The following SOX7 variants were observed in gnomAD, a reference collection of about 807,000 sequenced individuals.
SOX7 encodes the protein SRY-box transcription factor 7.
A neutral mutation model predicts 24.9 loss-of-function variants in SOX7; 19 were observed. That is an observed-to-expected ratio of 0.76 (90% CI 0.53 to 1.12). SOX7 has a LOEUF of 1.12. SOX7 is among the 50% of genes most tolerant of loss of function. The probability of loss-of-function intolerance (pLI) is 0.00; values close to 1 mark genes in which losing one functional copy is unlikely to be tolerated. For synonymous variants in SOX7, 327 were observed against 244.5 expected, an observed-to-expected ratio of 1.34 and a Z score of -3.15; for missense variants, 702 against 535.0, an observed-to-expected ratio of 1.31 and a Z score of -3.08.
chr8:10,726,693 T>C (rs375218316), intron 1 of SOX7, 27 bp from the exon 2 acceptor site: 1 of 1,538,998 alleles, frequency 6.5e-7, no homozygotes, highest in Non-Finnish European at 8.7e-7. Flanking sequence ...GAGGAGGCCA[T>C]GCTCAGTGCT....
chr8:10,727,469 C>T (rs6986101), intron 1 of SOX7, among the ~76,000 whole-genome samples: 1 of 152,198 alleles, frequency 6.6e-6, no homozygotes, highest in East Asian at 1.9e-4. Flanking sequence ...TTTCCAGAGT[C>T]TCTATTTTCT....
Position 10,726,437 on chromosome 8 carries a change from C to T in SOX7, c.468G>A (p.Leu156=), listed in dbSNP as rs753070298. The T allele has an allele frequency of 2.5e-6, 4 of 1,612,082 alleles. No homozygotes were observed. The highest frequency in any genetic ancestry group is 3.3e-5 in the Admixed American group (2 of 59,960). ...PEKRSGSRGA[L]GEKEDRGEYS... ...ACTCACCCCTGTCCTCCTTCTCCCC[C>T]AGCGCCCCCCGGCTGCCGCTTCTCT... is the stretch of plus-strand genomic sequence containing the variant. The change falls in exon 2 of 2, where the codon CTG becomes CTA. Residue 156 remains leucine, a synonymous_variant. Coordinates refer to ENST00000304501, the MANE Select transcript of SOX7 (RefSeq NM_031439.4).
In SOX7 at chr8:10,726,506, G is replaced by T; in HGVS notation, c.399C>A (p.Phe133Leu). 3.1e-6 allele frequency: 5 copies of T among 1,612,560 alleles called. No homozygotes were observed. Among genetic ancestry groups the T allele is most frequent in the Non-Finnish European group, 3.4e-6 (4 of 1,179,958 alleles). The change falls in exon 2 of 2, where the codon TTC becomes TTA. Residue 133 changes from phenylalanine (F) to leucine (L), a missense_variant. Coordinates refer to ENST00000304501, the MANE Select transcript of SOX7 (RefSeq NM_031439.4). ...KRLCKRVDPG[F>L]LLSSLSRDQN... is the part of the protein sequence containing the mutation. ...GGTCCCGGGAGAGGGAGCTCAGAAG[G>T]AAGCCCGGGTCCACGCGCTTGCACA...
At chr8:10,729,184 A>C (rs533857031) in intron 1 of SOX7, 2 of 152,306 alleles carry the variant, frequency 1.3e-5, no homozygotes, top group African/African-American at 4.8e-5. Flanking sequence ...TCCTATCCCC[A>C]AAGTTCCGCC....
rs780647193 is a variant in SOX7, at chr8:10,725,710, G to C, written c.*28C>G. The C allele has an allele frequency of 1.9e-6, 3 of 1,613,282 alleles. No individual in the cohort carries two copies. In the East Asian group the frequency reaches 6.7e-5, roughly 36 times the overall value. On this transcript the variant is annotated 3_prime_UTR_variant, in exon 2 of 2. Transcript: ENST00000304501. ...AAGGCACAAGAAGGAGAGGGCGCGA[G>C]GGCTGACCGGACGGGGCGCCTCCAG...
rs1586081386 is a variant in SOX7 at position 10,726,400 on chromosome 8, T to G, written c.505A>C (p.Thr169Pro). 1 of 1,612,068 alleles carries G rather than the reference T, an allele frequency of 6.2e-7. No individual in the cohort carries two copies. The highest frequency in any genetic ancestry group is 8.5e-7 in the Non-Finnish European group (1 of 1,179,282). The change falls in exon 2 of 2, where the codon ACT becomes CCT. Residue 169 changes from threonine to proline, a missense_variant. Transcript: ENST00000304501. ...KEDRGEYSPG[T>P]ALPSLRGCYH... ...CAGCCCCGGAGGCTGGGCAGGGCAGTGCCGGGGGAGTACTCACCCCTGTCC... is the reference window on the plus strand; with the variant it reads ...CAGCCCCGGAGGCTGGGCAGGGCAGGGCCGGGGGAGTACTCACCCCTGTCC...
rs74568834 is a variant in SOX7, at chr8:10,726,557, C to T, written c.348G>A (p.Pro116=). 7.5e-3 allele frequency: 12,078 copies of T among 1,612,114 alleles called. 641 individuals carry two copies. In the East Asian group the frequency reaches 0.13, roughly 18 times the overall value. Reference sequence around the variant, plus strand: ...GCCGCTTGGCCTGCTTCTTCCTGCGCGGCCGGTACTTGTAGTTGGGGTAGT... The same window carrying T: ...GCCGCTTGGCCTGCTTCTTCCTGCGTGGCCGGTACTTGTAGTTGGGGTAGT... The part of the protein sequence containing the change: ...MQDYPNYKYR[P]RRKKQAKRLC... The change falls in exon 2 of 2, where the codon CCG becomes CCA. Residue 116 remains proline (P), a synonymous_variant. Transcript: ENST00000304501.
chr8:10,726,622 C>A lies in SOX7; in HGVS notation c.283G>T (p.Val95Leu), dbSNP rs769083723. Residue 95 changes from valine to leucine, a missense_variant, in exon 2 of 2, where the codon GTG (valine) becomes TTG (leucine). Physicochemically the swap from Val to Leu is conservative, Grantham distance 32. Coordinates refer to ENST00000304501, the MANE Select transcript of SOX7 (RefSeq NM_031439.4). ...AGGCGCAGCCGCTCCGCCTCGTCCA[C>A]GTACGGCCTCTTCTGGGACAGCGTC... is the stretch of plus-strand genomic sequence containing the variant. ...ALTLSQKRPYVDEAERLRLQH... is the reference protein window; with the variant it reads ...ALTLSQKRPYLDEAERLRLQH... The A allele has an allele frequency of 6.2e-7, 1 of 1,601,918 alleles. No individual in the cohort carries two copies. The highest frequency in any genetic ancestry group is 1.1e-5 in the South Asian group (1 of 90,410).
In SOX7 at chr8:10,725,886, C is replaced by A; in HGVS notation, c.1019G>T (p.Gly340Val). ...GGCCCCTGTGGCGGAGTCTGGGTGG[C>A]CAGGAGTGTTCAAATACTGGTCGAA... is the stretch of plus-strand genomic sequence containing the variant. ...NEFDQYLNTPGHPDSATGAMA... is the reference protein window; with the variant it reads ...NEFDQYLNTPVHPDSATGAMA... The change falls in exon 2 of 2, where the codon GGC becomes GTC. Residue 340 changes from glycine to valine, a missense_variant. By Grantham distance (109) the Gly-to-Val change is moderately radical. Coordinates refer to ENST00000304501, the MANE Select transcript of SOX7 (RefSeq NM_031439.4). 1 of 1,614,162 alleles carries A rather than the reference C, an allele frequency of 6.2e-7. No individual in the cohort carries two copies. The highest frequency in any genetic ancestry group is 2.2e-5 in the East Asian group (1 of 44,868).
rs1800130794 is a variant in SOX7, at chr8:10,725,674, C to T, written c.*64G>A. On this transcript the variant is annotated 3_prime_UTR_variant, in exon 2 of 2. Transcript: ENST00000304501. ...GAAAGCTGGTGTGGCTGGACGGCTC[C>T]TCTGCCACTCAAGGCACAAGAAGGA... 6.4e-7 allele frequency: 1 copy of T among 1,571,140 alleles called. No homozygotes were observed. Among genetic ancestry groups the T allele is most frequent in the Non-Finnish European group, 8.7e-7 (1 of 1,146,998 alleles).
Position 10,730,145 on chromosome 8 carries a change from GCCCGCC to G in SOX7, c.238+45_238+50del. 3.8e-6 allele frequency: 5 copies of G among 1,305,926 alleles called. No homozygotes were observed. Among genetic ancestry groups the G allele is most frequent in the Non-Finnish European group, 5.0e-6 (5 of 1,010,030 alleles). The allele number at this position is 1,305,926 out of a possible 1,614,324, so 80.9% of individuals were successfully genotyped here. On this transcript the variant is annotated intron_variant, in intron 1 of 1. Transcript: ENST00000304501. The surrounding 1 kb of genome is among the most constrained non-coding windows in gnomAD (Gnocchi z 4.8). The stretch of plus-strand genomic sequence containing the variant: ...CACCCGCCCTGCAGTGCCGCCAGCC[GCCCGCC>G]GCCCGCCCCCGGCCCCCAGCCCGCT...
At chr8:10,728,448 T>C (rs2129063349) in intron 1 of SOX7, among the ~76,000 whole-genome samples, 1 of 152,318 alleles carries the variant, frequency 6.6e-6, no homozygotes, top group South Asian at 2.1e-4. Context: ...GAGGGGATCA[T>C]CCTGCTGCCC....
Position 10,730,094 on chromosome 8 carries a change from C to G in SOX7, c.238+102G>C. Reference sequence around the variant, plus strand: ...CGAAGAGGGCCCTCGTCCCGCGTGCCGGGTCTTCCCCAGGCTCCGCGCTCG... The same window carrying G: ...CGAAGAGGGCCCTCGTCCCGCGTGCGGGGTCTTCCCCAGGCTCCGCGCTCG... On this transcript the variant is annotated intron_variant, in intron 1 of 1. Transcript: ENST00000304501. The surrounding 1 kb of genome is among the most constrained non-coding windows in gnomAD (Gnocchi z 4.8). The G allele has an allele frequency of 1.2e-6, 1 of 846,560 alleles. No individual in the cohort carries two copies. The allele number at this position is 846,560 out of a possible 1,614,324, so 52.4% of individuals were successfully genotyped here. A position where few individuals can be genotyped will look rare whatever the true frequency, so the allele number is the denominator to read the frequency against.
intron 1 of SOX7, among the ~76,000 whole-genome samples, chr8:10,726,996 G>C (rs1800168930): frequency 1.3e-5 from 2 of 152,170 alleles, no homozygotes; most frequent in African/African-American, 2.4e-5. Flanking sequence ...TGTCAGCTAC[G>C]GGAAGAAAAT....
Position 10,725,562 on chromosome 8 carries a change from A to G in SOX7, c.*176T>C. 1.6e-6 allele frequency: 1 copy of G among 631,148 alleles called. No individual in the cohort carries two copies. 39.1% of individuals were successfully genotyped at this position (631,148 alleles called of 1,614,324 possible). A position where few individuals can be genotyped will look rare whatever the true frequency, so the allele number is the denominator to read the frequency against. On this transcript the variant is annotated 3_prime_UTR_variant, in exon 2 of 2. Coordinates refer to ENST00000304501, the MANE Select transcript of SOX7 (RefSeq NM_031439.4). ...GGGGCTGGAACGTGGGGAAGGGGAT[A>G]GAGGCGGCACTCGGATAAGGAGAGT...
In SOX7 at chr8:10,725,702, G is replaced by A; in HGVS notation, c.*36C>T. Reference sequence around the variant, plus strand: ...TGCCACTCAAGGCACAAGAAGGAGAGGGCGCGAGGGCTGACCGGACGGGGC... The same window carrying A: ...TGCCACTCAAGGCACAAGAAGGAGAAGGCGCGAGGGCTGACCGGACGGGGC... On this transcript the variant is annotated 3_prime_UTR_variant, in exon 2 of 2. Transcript: ENST00000304501. The A allele has an allele frequency of 1.2e-6, 2 of 1,610,198 alleles. No homozygotes were observed. The highest frequency in any genetic ancestry group is 1.7e-4 in the Middle Eastern group (1 of 6,006).
Position 10,725,713 on chromosome 8 carries a change from C to A in SOX7, c.*25G>T. Reference sequence around the variant, plus strand: ...GCACAAGAAGGAGAGGGCGCGAGGGCTGACCGGACGGGGCGCCTCCAGCTC... The same window carrying A: ...GCACAAGAAGGAGAGGGCGCGAGGGATGACCGGACGGGGCGCCTCCAGCTC... On this transcript the variant is annotated 3_prime_UTR_variant, in exon 2 of 2. Transcript: ENST00000304501. 6.2e-7 allele frequency: 1 copy of A among 1,613,490 alleles called. No individual in the cohort carries two copies. Among genetic ancestry groups the A allele is most frequent in the Non-Finnish European group, 8.5e-7 (1 of 1,179,762 alleles).
rs1465366977 is a variant in SOX7 at position 10,730,116 on chromosome 8, C to T, written c.238+80G>A. 2.7e-6 allele frequency: 3 copies of T among 1,106,410 alleles called. No homozygotes were observed. Among genetic ancestry groups the T allele is most frequent in the African/African-American group, 3.3e-5 (2 of 60,570 alleles). 68.5% of individuals were successfully genotyped at this position (1,106,410 alleles called of 1,614,324 possible). On this transcript the variant is annotated intron_variant, in intron 1 of 1. Transcript: ENST00000304501. The surrounding 1 kb of genome is among the most constrained non-coding windows in gnomAD (Gnocchi z 4.8). ...TGCCGGGTCTTCCCCAGGCTCCGCG[C>T]TCGCACCCGCCCTGCAGTGCCGCCA...
At position 10,724,219 on chromosome 8, in the gene SOX7, G is replaced by C. The variant is rs1800098686; in HGVS notation, c.*1519C>G. On this transcript the variant is annotated 3_prime_UTR_variant, in exon 2 of 2. Coordinates refer to ENST00000304501, the MANE Select transcript of SOX7 (RefSeq NM_031439.4). ...GGGGGAAAGATGAAAATATTTTGGG[G>C]GCAGGGGTCCAGGGCTCAGAAACAT... The C allele has an allele frequency of 1.3e-5, 2 of 152,170 alleles. No individual in the cohort carries two copies. The highest frequency in any genetic ancestry group is 1.3e-4 in the Admixed American group (2 of 15,286). The allele number at this position is 152,170 out of a possible 1,614,324, so 9.4% of individuals were successfully genotyped here. A position where few individuals can be genotyped will look rare whatever the true frequency, so the allele number is the denominator to read the frequency against.
Sources: allele counts gnomAD v4.1 joint callset (sites outside exome capture counted in the v4.1 genomes callset), GRCh38; gene constraint gnomAD v4.1.1; non-coding constraint Gnocchi (gnomAD v3.1); transcripts MANE v1.5; gene names NCBI Gene and HGNC (gene_info 2026-07-23, HGNC 2026-07-21).